NRK: variants seen among roughly 807,000 people sequenced by gnomAD.
The protein encoded by NRK is nik-related protein kinase.
A neutral mutation model predicts 125.2 loss-of-function variants in NRK; 67 were observed. The ratio of observed to expected loss-of-function variants is 0.54; its 90% CI spans 0.44 to 0.66. The LOEUF (loss-of-function observed/expected upper bound fraction) is 0.66, where lower values mean the gene tolerates loss of function less well. Ranked by LOEUF, NRK falls within the 30% of genes least tolerant of loss-of-function variation. NRK has a pLI of 0.00. For synonymous variants in NRK, 458 were observed against 429.0 expected (o/e 1.07, Z -0.84); for missense variants, 1,224 against 1,192.9 (o/e 1.03, Z -0.38).
chrX:105,826,239 ATAATATATATGATAATATATATT>A (rs2039098475), intron 1 of NRK, among the ~76,000 whole-genome samples: 1 of 88,030 alleles, frequency 1.1e-5, no homozygotes, highest in Admixed American at 1.4e-4. Context: ...ATTATCATAT[ATAATATATATGATAATATATATT>A]TCATATATAA....
At chrX:105,931,322 A>G (rs2040592258) in intron 19 of NRK, among the ~76,000 whole-genome samples, 1 of 111,950 alleles carries the variant, frequency 8.9e-6, no homozygotes, top group Non-Finnish European at 1.9e-5. Flanking sequence ...CAGTGCCTCT[A>G]GATTCAAGAT....
chrX:105,834,989 G>T (rs1181962809), intron 2 of NRK, among the ~76,000 whole-genome samples: 1 of 111,425 alleles, frequency 9.0e-6, no homozygotes, highest in Non-Finnish European at 1.9e-5. Context: ...CTGTCTGATG[G>T]ATTCAACATC....
intron 15 of NRK, among the ~76,000 whole-genome samples, 157 bp downstream of exon 15, chrX:105,915,954 G>A (rs1039571964): frequency 1.8e-5 from 2 of 111,248 alleles, no homozygotes; most frequent in Non-Finnish European, 1.9e-5. Context: ...AACCTTAACT[G>A]CAATGATCCA....
At chrX:105,919,291 C>T (rs1340346068) in intron 16 of NRK, among the ~76,000 whole-genome samples, 3 of 110,458 alleles carry the variant, frequency 2.7e-5, no homozygotes, top group Non-Finnish European at 3.8e-5. Flanking sequence ...AATTTTGAGC[C>T]TGTTAAATAT....
intron 2 of NRK, among the ~76,000 whole-genome samples, chrX:105,835,488 A>C (rs1034237213): frequency 2.7e-5 from 3 of 110,588 alleles, no homozygotes; most frequent in African/African-American, 9.9e-5. Context: ...TTCTGCTTCA[A>C]CCTCAGTCTT....
intron 5 of NRK, among the ~76,000 whole-genome samples, chrX:105,891,092 G>C (rs182790392): frequency 9.0e-6 from 1 of 111,728 alleles, no homozygotes. Flanking sequence ...TGAGCATATG[G>C]GTGCATTTTA....
intron 2 of NRK, among the ~76,000 whole-genome samples, chrX:105,878,809 C>T (rs2039849103): frequency 9.0e-6 from 1 of 111,628 alleles, no homozygotes; most frequent in South Asian, 3.8e-4. Context: ...AACCCTATCC[C>T]AAGTCAAGCA....
intron 2 of NRK, among the ~76,000 whole-genome samples, chrX:105,870,818 A>G (rs1217207642): frequency 9.0e-6 from 1 of 111,711 alleles, no homozygotes; most frequent in Non-Finnish European, 1.9e-5. Context: ...CTCCTTTCAC[A>G]GTTCTAATAA....
chrX:105,886,384 CACACAT>C (rs1213462977), intron 4 of NRK, among the ~76,000 whole-genome samples: 1 of 105,402 alleles, frequency 9.5e-6, no homozygotes, highest in Non-Finnish European at 1.9e-5. Flanking sequence ...GATCAACACA[CACACAT>C]ACACATACAG....
At chrX:105,877,662 A>G (rs2039832775) in intron 2 of NRK, among the ~76,000 whole-genome samples, 2 of 111,233 alleles carry the variant, frequency 1.8e-5, no homozygotes, top group Non-Finnish European at 3.8e-5. Context: ...CCAGACTTCT[A>G]TGGAGTCTTG....
At chrX:105,847,234 C>G (rs1395363731) in intron 2 of NRK, among the ~76,000 whole-genome samples, 1 of 112,113 alleles carries the variant, frequency 8.9e-6, no homozygotes, top group Non-Finnish European at 1.9e-5. Context: ...TCTCCCAGTT[C>G]CAGTACCATT....
At chrX:105,894,679 A>G (rs779977954) in intron 6 of NRK, among the ~76,000 whole-genome samples, 1 of 112,018 alleles carries the variant, frequency 8.9e-6, no homozygotes, top group African/African-American at 3.2e-5. Context: ...TCCAAGGCTC[A>G]CTTTCCTCAT....
intron 2 of NRK, among the ~76,000 whole-genome samples, chrX:105,856,492 G>T (rs2039533203): frequency 9.0e-6 from 1 of 111,705 alleles, no homozygotes. Context: ...GGATGCAACA[G>T]CAGCAGAAAG....
At chrX:105,927,072 G>A (rs1371501166) in intron 19 of NRK, among the ~76,000 whole-genome samples, 2 of 111,010 alleles carry the variant, frequency 1.8e-5, no homozygotes, top group African/African-American at 3.3e-5. Flanking sequence ...GCTTGGGATA[G>A]TAGGGTCATT....
intron 26 of NRK, chrX:105,948,793 A>G (rs1358591397): frequency 1.4e-5 from 6 of 436,935 alleles, no homozygotes; most frequent in African/African-American, 2.6e-5. Context: ...TTTTTTTTTA[A>G]TGTGCTAGTT....
intron 9 of NRK, among the ~76,000 whole-genome samples, chrX:105,901,739 C>T (rs953212070): frequency 9.0e-6 from 1 of 111,288 alleles, no homozygotes; most frequent in Non-Finnish European, 1.9e-5. Context: ...TGCTTCTTGC[C>T]TGTATTATAA....
In NRK at chrX:105,909,340, G is replaced by A. The variant is rs1012935688; in HGVS notation, c.1699G>A (p.Glu567Lys). 1.2e-5 allele frequency: 14 copies of A among 1,204,145 alleles called. No individual in the cohort carries two copies. In the African/African-American group the frequency reaches 1.2e-4, roughly 11 times the overall value. ...GCCAGAGGTACAGGAACAGGCTGCC[G>A]AGCCTGCACAGGCAGAGACTGAGGC... ...EQPEVQEQAA[E>K]PAQAETEAEE... Residue 567 changes from glutamate to lysine, a missense_variant, in exon 13 of 29, where the codon GAG (glutamate) becomes AAG (lysine). Physicochemically the swap from Glu to Lys is moderately conservative, Grantham distance 56. Coordinates refer to ENST00000243300, the MANE Select transcript of NRK (RefSeq NM_198465.4).
At chrX:105,881,954 A>T (rs377371848) in intron 4 of NRK, among the ~76,000 whole-genome samples, 175 bp downstream of exon 4, 1 of 111,456 alleles carries the variant, frequency 9.0e-6, no homozygotes, top group Non-Finnish European at 1.9e-5. Context: ...TTCAATCATC[A>T]TATATGAGCA....
At position 105,860,336 on chromosome X, in the gene NRK, A is replaced by T. The variant is rs187563840; in HGVS notation, c.124-19863A>T. 7.2e-5 allele frequency among the ~76,000 whole-genome samples: 8 copies of T among 111,606 alleles called. No homozygotes were observed. In the East Asian group the frequency reaches 2.3e-3, roughly 32 times the overall value. On this transcript the variant is annotated intron_variant, in intron 2 of 28. Coordinates refer to ENST00000243300, the MANE Select transcript of NRK (RefSeq NM_198465.4). ...ATGTATCTTTTCAAAAAATTTTTTA[A>T]GACTAGAGGAAATTCATATTTAACA...
Sources: gnomAD v4.1 joint callset for allele counts (sites outside exome capture counted in the v4.1 genomes callset) on GRCh38, gnomAD v4.1.1 for gene constraint, MANE v1.5 for transcripts, NCBI Gene and HGNC (gene_info 2026-07-23, HGNC 2026-07-21) for gene names.